Variants in NF1 observed in about 807,000 individuals in gnomAD.
NF1 encodes the protein neurofibromin 1, also known as neurofibromin.
Under a neutral mutation model 325.7 loss-of-function variants are expected in NF1, and 122 were observed. The ratio of observed to expected loss-of-function variants is 0.37; its 90% CI spans 0.32 to 0.44. The LOEUF is 0.44. Among genes scored for constraint, NF1 ranks in the 20% least tolerant of loss-of-function variants. The probability of loss-of-function intolerance (pLI) is 1.00; values close to 1 mark genes in which losing one functional copy is unlikely to be tolerated. For synonymous variants in NF1, 1,091 were observed against 1,186.0 expected (o/e 0.92, Z 1.65); for missense variants, 2,140 against 3,415.4 (o/e 0.63, Z 9.31).
chr17:31,338,004 C>G (rs774707084), intron 44 of NF1, 21 bp from the exon 45 acceptor site: 5 of 1,592,762 alleles, frequency 3.1e-6, no homozygotes, highest in Non-Finnish European at 4.3e-6. Flanking sequence ...TTTATAAGTT[C>G]TGTGGATCTT....
At chr17:31,158,244 A>G (rs1471023347) in intron 2 of NF1, among the ~76,000 whole-genome samples, 4 of 152,198 alleles carry the variant, frequency 2.6e-5, no homozygotes, top group African/African-American at 9.7e-5. Context: ...ACAATACCCT[A>G]AACTTACAAA....
chr17:31,223,970 G>A (rs928101964), intron 16 of NF1, among the ~76,000 whole-genome samples: 5 of 152,062 alleles, frequency 3.3e-5, no homozygotes, highest in East Asian at 1.9e-4. Context: ...CTATTATGGC[G>A]TAGATTTGGG....
rs147742414 is a variant in NF1, at chr17:31,192,313, G to A, written c.889-8109G>A. On this transcript the variant is annotated intron_variant, in intron 8 of 57. Coordinates refer to ENST00000358273, the MANE Select transcript of NF1 (RefSeq NM_001042492.3). ...AAGTGGTTGGGGTACAGCTTGGTTT[G>A]ATATATTTTAGGAAGGCATGAAACA... Among the ~76,000 whole-genome samples the A allele has an allele frequency of 7.2e-5, 11 of 152,280 alleles. No homozygotes were observed. In the East Asian group the frequency reaches 2.1e-3, roughly 29 times the overall value.
Position 31,350,031 on chromosome 17 carries a change from C to T in NF1, c.7322-152C>T, listed in dbSNP as rs17882381. The T allele has an allele frequency of 1.4e-5, 11 of 765,776 alleles. No individual in the cohort carries two copies. In the African/African-American group the frequency reaches 1.8e-4, roughly 12 times the overall value. 47.4% of individuals were successfully genotyped at this position (765,776 alleles called of 1,614,324 possible). A position where few individuals can be genotyped will look rare whatever the true frequency, so the allele number is the denominator to read the frequency against. ...GGAAAATAAAAGATGCTTATTAAAT[C>T]TCTCTGTATATTTCACATTTATGTA... On this transcript the variant is annotated intron_variant, in intron 49 of 57. Transcript: ENST00000358273.
intron 36 of NF1, among the ~76,000 whole-genome samples, chr17:31,269,271 A>G (rs2067848526): frequency 6.6e-6 from 1 of 152,126 alleles, no homozygotes; most frequent in African/African-American, 2.4e-5. Flanking sequence ...CAAACATGCA[A>G]GGTAATTTTG....
At chr17:31,123,306 TAAC>T (rs1482212668) in intron 1 of NF1, among the ~76,000 whole-genome samples, 1 of 152,242 alleles carries the variant, frequency 6.6e-6, no homozygotes, top group Non-Finnish European at 1.5e-5. Flanking sequence ...ATGGGAGAGT[TAAC>T]AACCATATTT....
intron 31 of NF1, 61 bp downstream of exon 31, chr17:31,253,061 G>C (rs1012054499): frequency 5.9e-6 from 8 of 1,364,762 alleles, no homozygotes; most frequent in Middle Eastern, 4.0e-4. Flanking sequence ...ATCTTTTGCT[G>C]TTTGTTAAGA....
chr17:31,119,503 G>T, intron 1 of NF1, among the ~76,000 whole-genome samples: 1 of 150,822 alleles, frequency 6.6e-6, no homozygotes, highest in South Asian at 2.1e-4. Context: ...TGTAGATTCT[G>T]GATATTAGCC....
At chr17:31,174,066 C>A (rs927406578) in intron 5 of NF1, among the ~76,000 whole-genome samples, 2 of 152,108 alleles carry the variant, frequency 1.3e-5, no homozygotes, top group African/African-American at 4.8e-5. Flanking sequence ...TAATAAAAAC[C>A]TTTATCCCTT....
At chr17:31,304,962 C>T in intron 36 of NF1, 4 of 1,614,054 alleles carry the variant, frequency 2.5e-6, no homozygotes, top group Non-Finnish European at 3.4e-6. Context: ...TTATAGCTAC[C>T]AACATAGAAG....
chr17:31,156,997 A>G (rs537946135), intron 2 of NF1, among the ~76,000 whole-genome samples: 2 of 152,192 alleles, frequency 1.3e-5, no homozygotes, highest in East Asian at 1.9e-4. Context: ...AAATGAATGA[A>G]TGAATGAATG....
At chr17:31,347,488 AC>A (rs1211011649) in intron 48 of NF1, among the ~76,000 whole-genome samples, 2 of 152,128 alleles carry the variant, frequency 1.3e-5, no homozygotes, top group Non-Finnish European at 2.9e-5. Flanking sequence ...ATATCGATAA[AC>A]CATTTGTTAA....
At chr17:31,305,410 GAA>G (rs751442776) in intron 36 of NF1, 1 of 1,614,192 alleles carries the variant, frequency 6.2e-7, no homozygotes, top group South Asian at 1.1e-5. Context: ...TGATTGTCCA[GAA>G]AAAGTGTCGC....
chr17:31,213,851 A>G (rs2066773002), intron 12 of NF1, among the ~76,000 whole-genome samples: 4 of 152,314 alleles, frequency 2.6e-5, no homozygotes, highest in African/African-American at 9.6e-5. Context: ...TTACAATTAA[A>G]CTAGTAAATA....
chr17:31,247,257 A>G (rs1192708179), intron 29 of NF1, among the ~76,000 whole-genome samples: 2 of 151,992 alleles, frequency 1.3e-5, no homozygotes, highest in African/African-American at 4.8e-5. Context: ...AGCAGGAAAA[A>G]GTGACATCAG....
At chr17:31,116,299 TAA>T (rs1913902899) in intron 1 of NF1, among the ~76,000 whole-genome samples, 1 of 152,166 alleles carries the variant, frequency 6.6e-6, no homozygotes, top group South Asian at 2.1e-4. Context: ...GCCTGAATAT[TAA>T]TAGAGATAGG....
intron 36 of NF1, among the ~76,000 whole-genome samples, chr17:31,274,967 T>G (rs1351595860): frequency 6.6e-6 from 1 of 152,212 alleles, no homozygotes; most frequent in Non-Finnish European, 1.5e-5. Context: ...TATCATCACC[T>G]AGCCAAATGT....
At chr17:31,340,672 T>C (rs2151562158) in intron 47 of NF1, 27 bp downstream of exon 47, 2 of 1,611,196 alleles carry the variant, frequency 1.2e-6, no homozygotes, top group Non-Finnish European at 8.5e-7. Flanking sequence ...TTGAGGTTCC[T>C]AGATTACTCA....
chr17:31,218,995 T>C lies in NF1; in HGVS notation c.1528-10T>C, dbSNP rs376174484. 264 of 1,608,902 alleles carry C rather than the reference T, an allele frequency of 1.6e-4. No individual in the cohort carries two copies. Among genetic ancestry groups the C allele is most frequent in the Non-Finnish European group, 2.1e-4 (253 of 1,176,906 alleles). ...TTTTTTTAATTGAAGTTTCCTTTTT[T>C]TCCTTGCAGAATCCAAGAAAACAGG... On this transcript the variant is annotated splice_polypyrimidine_tract_variant and intron_variant, in intron 13 of 57. Transcript: ENST00000358273.
Sources: allele counts gnomAD v4.1 joint callset (sites outside exome capture counted in the v4.1 genomes callset), GRCh38; gene constraint gnomAD v4.1.1; transcripts MANE v1.5; gene names NCBI Gene and HGNC (gene_info 2026-07-23, HGNC 2026-07-21).